SGCZ: variants seen among roughly 807,000 people sequenced by gnomAD.
SGCZ encodes the protein zeta-sarcoglycan.
SGCZ carries 40 observed loss-of-function variants against 41.3 expected under a neutral mutation model. That is an observed-to-expected ratio of 0.97 (90% CI 0.75 to 1.26). SGCZ has a LOEUF of 1.26. SGCZ is among the 50% of genes most tolerant of loss of function. The pLI is 0.00. For synonymous variants in SGCZ, 206 were observed against 137.5 expected (o/e 1.50, Z -3.49); for missense variants, 552 against 369.8 (o/e 1.49, Z -4.04).
intron 1 of SGCZ, among the ~76,000 whole-genome samples, chr8:14,777,898 C>CAA (rs200331185): frequency 4.3e-4 from 51 of 119,218 alleles, no homozygotes; most frequent in South Asian, 2.0e-3. Flanking sequence ...AAATTATTTC[C>CAA]AAAAAAAAAA....
intron 3 of SGCZ, among the ~76,000 whole-genome samples, chr8:14,244,099 A>G (rs1304870813): frequency 2.6e-5 from 4 of 152,186 alleles, no homozygotes; most frequent in Middle Eastern, 3.4e-3. Context: ...TTGTGTTCAG[A>G]TCACACCAAA....
intron 1 of SGCZ, among the ~76,000 whole-genome samples, chr8:15,088,015 C>T (rs1451191814): frequency 7.1e-6 from 1 of 141,754 alleles, no homozygotes; most frequent in Non-Finnish European, 1.5e-5. Flanking sequence ...TCTCTCACTC[C>T]ACATTAACAA....
intron 1 of SGCZ, among the ~76,000 whole-genome samples, chr8:15,068,035 T>C (rs1282990355): frequency 6.6e-6 from 1 of 152,140 alleles, no homozygotes; most frequent in Non-Finnish European, 1.5e-5. Flanking sequence ...TGACTAAAAG[T>C]AGTTTAGAGT....
intron 1 of SGCZ, among the ~76,000 whole-genome samples, chr8:14,672,264 A>T (rs1200295165): frequency 6.6e-6 from 1 of 152,194 alleles, no homozygotes; most frequent in African/African-American, 2.4e-5. Flanking sequence ...TAAAATGTTC[A>T]ATAAAATAGT....
At chr8:14,395,136 G>A (rs1160841853) in intron 2 of SGCZ, among the ~76,000 whole-genome samples, 1 of 152,102 alleles carries the variant, frequency 6.6e-6, no homozygotes, top group South Asian at 2.1e-4. Flanking sequence ...TAATTATTCT[G>A]TTCTTAGCTT....
chr8:14,341,606 G>A (rs1802708602), intron 2 of SGCZ, among the ~76,000 whole-genome samples: 1 of 152,050 alleles, frequency 6.6e-6, no homozygotes, highest in African/African-American at 2.4e-5. Context: ...GTATGGTTTG[G>A]CTGTGTCCCC....
chr8:15,004,561 C>G (rs888994449), intron 1 of SGCZ, among the ~76,000 whole-genome samples: 2 of 152,168 alleles, frequency 1.3e-5, no homozygotes, highest in Admixed American at 1.3e-4. Flanking sequence ...GTTGCAGTGT[C>G]TCATTCTGTT....
At chr8:14,961,732 C>T (rs1800973265) in intron 1 of SGCZ, among the ~76,000 whole-genome samples, 2 of 151,960 alleles carry the variant, frequency 1.3e-5, no homozygotes, top group South Asian at 4.2e-4. Context: ...AATGACTTCA[C>T]AAGAAGAGAA....
chr8:15,207,955 A>C (rs377759387), intron 1 of SGCZ, among the ~76,000 whole-genome samples: 4 of 152,212 alleles, frequency 2.6e-5, no homozygotes, highest in African/African-American at 9.6e-5. Flanking sequence ...GGACTGGTGA[A>C]TGTCTGTCAT....
At chr8:14,898,183 C>A (rs73666926) in intron 1 of SGCZ, among the ~76,000 whole-genome samples, 3,519 of 152,050 alleles carry the variant, frequency 0.023, 135 homozygotes, top group African/African-American at 0.081. Flanking sequence ...CTCCTGTACT[C>A]AAGAGATCCT....
intron 1 of SGCZ, among the ~76,000 whole-genome samples, chr8:14,719,460 A>G (rs1256365465): frequency 6.6e-6 from 1 of 151,402 alleles, no homozygotes; most frequent in Non-Finnish European, 1.5e-5. Context: ...ACTAGTTTAC[A>G]GTCCCACCAA....
intron 1 of SGCZ, among the ~76,000 whole-genome samples, chr8:14,823,581 T>C (rs531841793): frequency 2.0e-5 from 3 of 152,280 alleles, no homozygotes; most frequent in East Asian, 1.9e-4. Context: ...AGGAAACCAA[T>C]GTTAGAGAAC....
intron 1 of SGCZ, among the ~76,000 whole-genome samples, chr8:14,578,683 G>A (rs144267230): frequency 2.6e-5 from 4 of 152,136 alleles, no homozygotes; most frequent in African/African-American, 9.7e-5. Context: ...AATAATAAGG[G>A]ATATTACTTG....
At chr8:14,255,193 C>A (rs1799418044) in intron 3 of SGCZ, among the ~76,000 whole-genome samples, 1 of 152,134 alleles carries the variant, frequency 6.6e-6, no homozygotes, top group African/African-American at 2.4e-5. Flanking sequence ...TCTTTTGGTT[C>A]ACCCACTGCC....
At chr8:14,930,378 A>G (rs1450832631) in intron 1 of SGCZ, among the ~76,000 whole-genome samples, 1 of 152,102 alleles carries the variant, frequency 6.6e-6, no homozygotes. Context: ...AAGCTTTTAC[A>G]CTATTGATGG....
chr8:14,833,949 T>G (rs116125711), intron 1 of SGCZ, among the ~76,000 whole-genome samples: 4,723 of 152,278 alleles, frequency 0.031, 268 homozygotes, highest in African/African-American at 0.11. Flanking sequence ...TTAGCCTCGC[T>G]TAGAAATATT....
chr8:14,494,801 A>G (rs895561748), intron 2 of SGCZ, among the ~76,000 whole-genome samples: 8 of 152,174 alleles, frequency 5.3e-5, no homozygotes, highest in African/African-American at 1.9e-4. Context: ...TGGTTTTTGC[A>G]GTAGCCTGCA....
chr8:14,975,405 G>C (rs1437929205), intron 1 of SGCZ, among the ~76,000 whole-genome samples: 1 of 152,210 alleles, frequency 6.6e-6, no homozygotes, highest in South Asian at 2.1e-4. Context: ...ATCCTCTCCT[G>C]GTTCTTATCA....
chr8:14,824,106 G>A (rs75782543), intron 1 of SGCZ, among the ~76,000 whole-genome samples: 4,431 of 152,186 alleles, frequency 0.029, 188 homozygotes, highest in African/African-American at 0.093. Context: ...CAAAAGAGGA[G>A]AGGAGGATGA....
Sources: allele counts gnomAD v4.1 joint callset (sites outside exome capture counted in the v4.1 genomes callset), GRCh38; gene constraint gnomAD v4.1.1; transcripts MANE v1.5; gene names NCBI Gene and HGNC (gene_info 2026-07-23, HGNC 2026-07-21).